Variants in CDC16 observed in about 807,000 individuals in gnomAD.
The protein encoded by CDC16 is cell division cycle protein 16 homolog.
Under a neutral mutation model 87.0 loss-of-function variants are expected in CDC16, and 34 were observed. The observed-to-expected ratio is 0.39, with a 90% confidence interval of 0.30 to 0.52. CDC16 has a LOEUF of 0.52. Ranked by LOEUF, CDC16 falls within the 20% of genes least tolerant of loss-of-function variation. The pLI is 0.74. For missense variants in CDC16, 653 were observed against 751.9 expected, an observed-to-expected ratio of 0.87 and a Z score of 1.54; for synonymous variants, 263 against 260.6, an observed-to-expected ratio of 1.01 and a Z score of -0.09.
At chr13:114,266,571 C>G (rs2083227928) in intron 17 of CDC16, among the ~76,000 whole-genome samples, 1 of 152,242 alleles carries the variant, frequency 6.6e-6, no homozygotes, top group Non-Finnish European at 1.5e-5. Context: ...GCACACCTAG[C>G]AAACAGTTTC....
intron 17 of CDC16, among the ~76,000 whole-genome samples, chr13:114,265,800 C>A (rs1330094637): frequency 1.3e-5 from 2 of 149,540 alleles, no homozygotes; most frequent in Non-Finnish European, 2.9e-5. Flanking sequence ...CTTGCTAACT[C>A]CCGTTCCTAC....
At position 114,235,140 on chromosome 13, in the gene CDC16, G is replaced by C; in HGVS notation, c.48+8G>C. ...CGGCAGTACCTCGACCAGGTGGGCG[G>C]CCCCGACTCGGGGTGCGGGGCCCAG... On this transcript the variant is annotated splice_region_variant and intron_variant, in intron 1 of 17. Transcript: ENST00000356221. The C allele has an allele frequency of 1.6e-6, 2 of 1,242,788 alleles. No individual in the cohort carries two copies. Among genetic ancestry groups the C allele is most frequent in the Non-Finnish European group, 2.0e-6 (2 of 993,138 alleles). The allele number at this position is 1,242,788 out of a possible 1,614,324, so 77.0% of individuals were successfully genotyped here.
intron 11 of CDC16, chr13:114,247,281 G>T: frequency 2.7e-6 from 1 of 366,482 alleles, no homozygotes; most frequent in Non-Finnish European, 5.0e-6. Flanking sequence ...CTCTTGCTCA[G>T]CCTCCCGAGT....
intron 11 of CDC16, among the ~76,000 whole-genome samples, chr13:114,248,260 CAG>C (rs1340109319): frequency 1.3e-5 from 2 of 152,204 alleles, no homozygotes; most frequent in African/African-American, 4.8e-5. Context: ...GCAAATAAAA[CAG>C]AATTGGTCTC....
Position 114,264,828 on chromosome 13 carries a change from G to A in CDC16, c.1513-322G>A, listed in dbSNP as rs539062282. 11 of 195,424 alleles carry A rather than the reference G, an allele frequency of 5.6e-5. No homozygotes were observed. In the East Asian group the frequency reaches 8.1e-4, roughly 14 times the overall value. The allele number at this position is 195,424 out of a possible 1,614,324, so 12.1% of individuals were successfully genotyped here. ...ACCATGTTTTGGTCAGGCTGGTCTC[G>A]AACTCCTGAGCCCAGGTGATCCACC... On this transcript the variant is annotated intron_variant, in intron 16 of 17. Coordinates refer to ENST00000356221, the MANE Select transcript of CDC16 (RefSeq NM_001078645.3).
intron 16 of CDC16, 188 bp from the exon 17 acceptor site, chr13:114,264,962 T>C: frequency 1.9e-6 from 1 of 519,886 alleles, no homozygotes; most frequent in Admixed American, 3.2e-5. Flanking sequence ...CATAAGAAAA[T>C]AGAATAGTGT....
intron 10 of CDC16, among the ~76,000 whole-genome samples, chr13:114,246,501 C>A (rs796713294): frequency 1.3e-4 from 20 of 152,300 alleles, no homozygotes; most frequent in African/African-American, 4.1e-4. Context: ...TCAGGGACTG[C>A]GTCTTTAAGG....
intron 12 of CDC16, among the ~76,000 whole-genome samples, chr13:114,254,213 A>C (rs1388731014): frequency 2.6e-5 from 4 of 152,192 alleles, no homozygotes; most frequent in African/African-American, 9.6e-5. Context: ...TTGACAACAT[A>C]CAGTTAGATC....
chr13:114,242,071 T>G, intron 5 of CDC16, 50 bp from the exon 6 acceptor site: 2 of 1,535,378 alleles, frequency 1.3e-6, no homozygotes, highest in Non-Finnish European at 1.7e-6. Flanking sequence ...AAAAAAAAAG[T>G]TAAGTTTAAA....
intron 17 of CDC16, 116 bp downstream of exon 17, chr13:114,265,356 C>A: frequency 1.4e-6 from 1 of 694,538 alleles, no homozygotes; most frequent in Non-Finnish European, 2.6e-6. Context: ...TCTAACCATT[C>A]GTGCTGCATT....
At chr13:114,260,963 C>G (rs2082819867) in intron 14 of CDC16, among the ~76,000 whole-genome samples, 1 of 152,110 alleles carries the variant, frequency 6.6e-6, no homozygotes. Context: ...ATTTCCTGAC[C>G]TCAGATCAAC....
At chr13:114,270,352 G>T (rs889322303) in intron 17 of CDC16, among the ~76,000 whole-genome samples, 1 of 152,120 alleles carries the variant, frequency 6.6e-6, no homozygotes, top group Admixed American at 6.6e-5. Context: ...GCACCAAGAG[G>T]ATGGTACTAA....
At chr13:114,265,818 AT>A (rs35581239) in intron 17 of CDC16, among the ~76,000 whole-genome samples, 45,200 of 147,210 alleles carry the variant, frequency 0.31, 8,068 homozygotes, top group African/African-American at 0.51. Flanking sequence ...TACTAAAGTA[AT>A]TTTTTTTTTT....
rs116766837 is a variant in CDC16 at position 114,256,799 on chromosome 13, A to G, written c.1098-279A>G. Among the ~76,000 whole-genome samples the G allele has an allele frequency of 3.7e-3, 565 of 152,328 alleles. 3 individuals carry two copies. The highest frequency in any genetic ancestry group is 0.013 in the African/African-American group (523 of 41,578). On this transcript the variant is annotated intron_variant, in intron 12 of 17. Transcript: ENST00000356221. ...ATCAAGGAGGAAGACAGCACCACAGAGACCTGCCCTTTTGCTTTAGAGAGT... is the reference window on the plus strand; with the variant it reads ...ATCAAGGAGGAAGACAGCACCACAGGGACCTGCCCTTTTGCTTTAGAGAGT...
intron 11 of CDC16, among the ~76,000 whole-genome samples, chr13:114,248,387 AATGGGG>A (rs2081979548): frequency 1.3e-5 from 2 of 152,194 alleles, no homozygotes; most frequent in African/African-American, 4.8e-5. Context: ...TTTCTTTAAA[AATGGGG>A]ATGTCAGCCA....
chr13:114,237,042 T>C (rs17337786), intron 3 of CDC16, 146 bp downstream of exon 3: 16,627 of 493,826 alleles, frequency 0.034, 405 homozygotes, highest in Non-Finnish European at 0.046. Flanking sequence ...AAGACCAAGA[T>C]GGTGAAACCC....
chr13:114,265,251 C>G lies in CDC16; in HGVS notation c.1603+11C>G. ...CTGAAGCTTATATTGGTAAGATAAT[C>G]GTTATTCTTATTGGTATTGTACTCC... On this transcript the variant is annotated intron_variant, in intron 17 of 17. Coordinates refer to ENST00000356221, the MANE Select transcript of CDC16 (RefSeq NM_001078645.3). 1 of 1,523,528 alleles carries G rather than the reference C, an allele frequency of 6.6e-7. No homozygotes were observed. The highest frequency in any genetic ancestry group is 1.1e-5 in the South Asian group (1 of 89,070). 94.4% of individuals were successfully genotyped at this position (1,523,528 alleles called of 1,614,324 possible).
intron 1 of CDC16, among the ~76,000 whole-genome samples, chr13:114,236,000 G>T (rs2081230125): frequency 6.6e-6 from 1 of 152,166 alleles, no homozygotes; most frequent in Non-Finnish European, 1.5e-5. Flanking sequence ...AGTGGTCCTG[G>T]CTTGTCTCCA....
intron 7 of CDC16, 51 bp downstream of exon 7, chr13:114,243,399 A>G (rs753894784): frequency 3.3e-6 from 3 of 899,938 alleles, no homozygotes; most frequent in South Asian, 1.4e-5. Context: ...ATCTTATTCC[A>G]TAAAATTTGG....
Sources: allele counts gnomAD v4.1 joint callset (sites outside exome capture counted in the v4.1 genomes callset), GRCh38; gene constraint gnomAD v4.1.1; transcripts MANE v1.5; gene names NCBI Gene and HGNC (gene_info 2026-07-23, HGNC 2026-07-21).